TPO: variants seen among roughly 807,000 people sequenced by gnomAD.
TPO encodes the protein thyroid peroxidase, also known as thyroid microsomal antigen.
In TPO, 78 loss-of-function variants were observed where a neutral mutation model predicts 96.9. The observed-to-expected ratio is 0.81, with a 90% confidence interval of 0.67 to 0.97. The LOEUF is 0.97. Ranked by LOEUF, TPO falls within the 50% of genes least tolerant of loss-of-function variation. The probability of loss-of-function intolerance (pLI) is 0.00; values close to 1 mark genes in which losing one functional copy is unlikely to be tolerated. For missense variants in TPO, 1,252 were observed against 1,274.8 expected (o/e 0.98, Z 0.27); for synonymous variants, 547 against 538.0 (o/e 1.02, Z -0.23).
At chr2:1,383,790 C>T (rs1661846883) in intron 1 of TPO, among the ~76,000 whole-genome samples, 2 of 152,168 alleles carry the variant, frequency 1.3e-5, no homozygotes, top group Non-Finnish European at 1.5e-5. Context: ...GCCATGACGT[C>T]CTTGCCCATG....
At position 1,504,031 on chromosome 2, in the gene TPO, C is replaced by G. The variant is rs1329431965; in HGVS notation, c.2470C>G (p.Leu824Val). Residue 824 changes from leucine to valine, a missense_variant, in exon 14 of 17, where the codon CTC (leucine) becomes GTC (valine). Transcript: ENST00000329066. ...CRNTKGGFQCLCADPYELGDD... is the reference protein window; with the variant it reads ...CRNTKGGFQCVCADPYELGDD... ...AAACACCAAAGGCGGCTTCCAGTGT[C>G]TCTGCGCGGACCCCTACGAGTTAGG... 1 of 1,614,228 alleles carries G rather than the reference C, an allele frequency of 6.2e-7. No homozygotes were observed. Among genetic ancestry groups the G allele is most frequent in the Non-Finnish European group, 8.5e-7 (1 of 1,180,036 alleles).
At position 1,487,903 on chromosome 2, in the gene TPO, G is replaced by A; in HGVS notation, c.1680G>A (p.Leu560=). The A allele has an allele frequency of 1.2e-6, 2 of 1,614,202 alleles. No individual in the cohort carries two copies. Among genetic ancestry groups the A allele is most frequent in the Non-Finnish European group, 1.7e-6 (2 of 1,180,040 alleles). ...QVQDQLMNEE[L]TERLFVLSNS... ...AGGATCAGCTGATGAACGAGGAGCT[G>A]ACGGAAAGGCTCTTTGTGCTGTCCA... Residue 560 remains leucine (L), a synonymous_variant, in exon 10 of 17, where the codon CTG becomes CTA. Transcript: ENST00000329066.
At chr2:1,525,914 T>A (rs1325875284) in intron 15 of TPO, among the ~76,000 whole-genome samples, 2 of 116,626 alleles carry the variant, frequency 1.7e-5, no homozygotes, top group Admixed American at 9.3e-5. Context: ...CCTCCTCAAA[T>A]CCCCCCACTG....
At chr2:1,478,188 G>T (rs759938831) in intron 8 of TPO, 6 of 985,450 alleles carry the variant, frequency 6.1e-6, no homozygotes, top group Non-Finnish European at 7.2e-6. Flanking sequence ...TCACATGAGA[G>T]GGTCTTGAAT....
rs770599907 is a variant in TPO, at chr2:1,543,628, C to T, written c.*1154C>T. ...GTGTTCCCAAACTCTTAGTTTTGTT[C>T]ATGTAAAACTCATGATTTCATAATT... is the stretch of plus-strand genomic sequence containing the variant. On this transcript the variant is annotated 3_prime_UTR_variant, in exon 17 of 17. Coordinates refer to ENST00000329066, the MANE Select transcript of TPO (RefSeq NM_001206744.2). The T allele has an allele frequency of 2.0e-5, 3 of 152,064 alleles. No individual in the cohort carries two copies. The highest frequency in any genetic ancestry group is 4.4e-5 in the Non-Finnish European group (3 of 67,990). 9.4% of individuals were successfully genotyped at this position (152,064 alleles called of 1,614,324 possible). A position where few individuals can be genotyped will look rare whatever the true frequency, so the allele number is the denominator to read the frequency against.
At chr2:1,455,487 G>A (rs1406544147) in intron 6 of TPO, among the ~76,000 whole-genome samples, 1 of 152,136 alleles carries the variant, frequency 6.6e-6, no homozygotes, top group African/African-American at 2.4e-5. Flanking sequence ...ATCCATCCAG[G>A]ACAAAATTCC....
chr2:1,512,682 C>A lies in TPO; in HGVS notation c.2519-4201C>A, dbSNP rs773049553. 5.3e-5 allele frequency among the ~76,000 whole-genome samples: 8 copies of A among 152,342 alleles called. No homozygotes were observed. In the South Asian group the frequency reaches 8.3e-4, roughly 16 times the overall value. On this transcript the variant is annotated intron_variant, in intron 14 of 16. Transcript: ENST00000329066. ...CAGCTGCCGTGTACCTCCCTGACCT[C>A]CCTGGCTGTGACTCAGGCCCTCCGG... is the stretch of plus-strand genomic sequence containing the variant.
chr2:1,503,051 C>T (rs1006010478), intron 13 of TPO, among the ~76,000 whole-genome samples: 3 of 152,182 alleles, frequency 2.0e-5, no homozygotes, highest in Admixed American at 6.5e-5. Flanking sequence ...GTGGCCGAGT[C>T]GGGGACCAAG....
At chr2:1,381,487 C>T (rs555268834) in intron 1 of TPO, among the ~76,000 whole-genome samples, 1 of 152,248 alleles carries the variant, frequency 6.6e-6, no homozygotes, top group South Asian at 2.1e-4. Context: ...CCAGATACTA[C>T]CTGAGAATCC....
At chr2:1,398,196 C>T (rs1463160437) in intron 1 of TPO, among the ~76,000 whole-genome samples, 1 of 152,222 alleles carries the variant, frequency 6.6e-6, no homozygotes, top group East Asian at 1.9e-4. Context: ...CCACTCTCTG[C>T]TGGCATCTCC....
chr2:1,529,996 G>GCACTGTGTGCAA (rs1677695256), intron 15 of TPO, among the ~76,000 whole-genome samples: 1 of 86,772 alleles, frequency 1.2e-5, no homozygotes, highest in Non-Finnish European at 2.1e-5. Context: ...GTGCAACCTC[G>GCACTGTGTGCAA]CCCAATCACG....
chr2:1,496,478 C>T (rs1672360942), intron 12 of TPO, 117 bp from the exon 13 acceptor site: 3 of 1,439,278 alleles, frequency 2.1e-6, no homozygotes, highest in Non-Finnish European at 2.9e-6. Context: ...CACAGCAGGG[C>T]TCCCCGGCCC....
At chr2:1,469,316 T>A (rs1669170926) in intron 7 of TPO, among the ~76,000 whole-genome samples, 1 of 152,194 alleles carries the variant, frequency 6.6e-6, no homozygotes, top group Non-Finnish European at 1.5e-5. Context: ...GTTTTCTGGT[T>A]CCTTCTCATT....
At chr2:1,460,559 T>G (rs879692195) in intron 7 of TPO, among the ~76,000 whole-genome samples, 1 of 152,202 alleles carries the variant, frequency 6.6e-6, no homozygotes, top group Admixed American at 6.5e-5. Flanking sequence ...ACTTATTAGC[T>G]GCATGTATAT....
intron 8 of TPO, among the ~76,000 whole-genome samples, chr2:1,483,790 A>C (rs1438315754): frequency 6.6e-6 from 1 of 152,212 alleles, no homozygotes; most frequent in Non-Finnish European, 1.5e-5. Context: ...CCCAGGCCAC[A>C]CAAGACTCAC....
chr2:1,521,652 C>T (rs937592423), intron 15 of TPO, among the ~76,000 whole-genome samples: 1 of 152,082 alleles, frequency 6.6e-6, no homozygotes, highest in Non-Finnish European at 1.5e-5. Context: ...TGGCCCTTTG[C>T]TGGGGGACAG....
chr2:1,404,838 AAAGT>A, intron 1 of TPO, among the ~76,000 whole-genome samples: 1 of 152,324 alleles, frequency 6.6e-6, no homozygotes, highest in South Asian at 2.1e-4. Flanking sequence ...TTTATCACAA[AAAGT>A]AAGGTATTTT....
At chr2:1,525,835 C>T (rs1203739680) in intron 15 of TPO, among the ~76,000 whole-genome samples, 3 of 146,292 alleles carry the variant, frequency 2.1e-5, no homozygotes, top group African/African-American at 7.6e-5. Flanking sequence ...AAATGCCCCC[C>T]ACTCTGTGCA....
intron 15 of TPO, among the ~76,000 whole-genome samples, chr2:1,536,956 C>G (rs1679822294): frequency 1.1e-5 from 1 of 91,638 alleles, no homozygotes; most frequent in Non-Finnish European, 2.1e-5. Flanking sequence ...CTCTCAAATC[C>G]CCCTGTGTGC....
Sources: gnomAD v4.1 joint callset for allele counts (sites outside exome capture counted in the v4.1 genomes callset) on GRCh38, gnomAD v4.1.1 for gene constraint, MANE v1.5 for transcripts, NCBI Gene and HGNC (gene_info 2026-07-23, HGNC 2026-07-21) for gene names.